VPS13B: variants seen among roughly 807,000 people sequenced by gnomAD.
VPS13B encodes the protein vacuolar protein sorting 13 homolog B, also known as intermembrane lipid transfer protein VPS13B.
VPS13B carries 285 observed loss-of-function variants against 426.4 expected under a neutral mutation model. The ratio of observed to expected loss-of-function variants is 0.67; its 90% confidence interval spans 0.61 to 0.74. The LOEUF is 0.74. Ranked by LOEUF, VPS13B falls within the 30% of genes least tolerant of loss-of-function variation. The pLI is 0.00. For missense variants in VPS13B, 4,537 were observed against 4,782.6 expected (o/e 0.95, Z 1.51); for synonymous variants, 1,676 against 1,676.4 (o/e 1.00, Z 0.01).
At chr8:99,873,464 T>A (rs530889800) in intron 61 of VPS13B, among the ~76,000 whole-genome samples, 4 of 152,148 alleles carry the variant, frequency 2.6e-5, no homozygotes, top group Non-Finnish European at 4.4e-5. Context: ...GAAAGAGGGT[T>A]GGGATTAAGG....
At chr8:99,270,419 G>A (rs549112939) in intron 17 of VPS13B, among the ~76,000 whole-genome samples, 197 of 151,894 alleles carry the variant, frequency 1.3e-3, no homozygotes, top group Admixed American at 2.1e-3. Flanking sequence ...GATTACAGGC[G>A]TGAGCCACCG....
chr8:99,563,548 T>C (rs1825038709), intron 31 of VPS13B, among the ~76,000 whole-genome samples: 1 of 152,172 alleles, frequency 6.6e-6, no homozygotes, highest in East Asian at 1.9e-4. Context: ...GAGAAATGAA[T>C]GATTGAGTCT....
intron 55 of VPS13B, among the ~76,000 whole-genome samples, chr8:99,851,230 T>C (rs1385439381): frequency 3.9e-5 from 6 of 152,234 alleles, no homozygotes; most frequent in African/African-American, 1.4e-4. Context: ...AAGTATTTCT[T>C]GGAATTTCAT....
intron 3 of VPS13B, among the ~76,000 whole-genome samples, chr8:99,044,413 T>TG (rs1290962546): frequency 1.4e-4 from 8 of 57,414 alleles, no homozygotes; most frequent in African/African-American, 6.1e-5. Context: ...TAAGTCAATG[T>TG]TTGTGTGTGT....
chr8:99,030,875 ATAC>A (rs1192155890), intron 2 of VPS13B, among the ~76,000 whole-genome samples: 2 of 152,198 alleles, frequency 1.3e-5, no homozygotes, highest in African/African-American at 4.8e-5. Flanking sequence ...TACTAATTTG[ATAC>A]TAATTTAATA....
chr8:99,354,396 T>C (rs1418730223), intron 19 of VPS13B, among the ~76,000 whole-genome samples: 1 of 150,656 alleles, frequency 6.6e-6, no homozygotes, highest in Admixed American at 6.6e-5. Context: ...ATTTGCTGTT[T>C]CATCAGATTC....
intron 3 of VPS13B, among the ~76,000 whole-genome samples, chr8:99,044,821 T>C (rs938441870): frequency 6.6e-6 from 1 of 151,582 alleles, no homozygotes; most frequent in Non-Finnish European, 1.5e-5. Context: ...ATTAATTCAT[T>C]CTTTTTTATT....
Position 99,507,217 on chromosome 8 carries a change from A to C in VPS13B, c.4224+14A>C. On this transcript the variant is annotated intron_variant, in intron 28 of 61. Coordinates refer to ENST00000357162, the MANE Select transcript of VPS13B (RefSeq NM_152564.5). ...GAAAAATCTGTGGTGAGACCCATTTAGTTACTATGATTTTTGAAAATGTAC... is the reference window on the plus strand; with the variant it reads ...GAAAAATCTGTGGTGAGACCCATTTCGTTACTATGATTTTTGAAAATGTAC... 6.2e-7 allele frequency: 1 copy of C among 1,613,200 alleles called. No homozygotes were observed. The highest frequency in any genetic ancestry group is 8.5e-7 in the Non-Finnish European group (1 of 1,179,306).
At chr8:99,478,064 A>G (rs1362133437) in intron 24 of VPS13B, among the ~76,000 whole-genome samples, 2 of 151,766 alleles carry the variant, frequency 1.3e-5, no homozygotes, top group Non-Finnish European at 2.9e-5. Context: ...CTTGAGCAAC[A>G]TAACAACATG....
chr8:99,698,484 T>C (rs1219064530), intron 35 of VPS13B, among the ~76,000 whole-genome samples: 2 of 152,258 alleles, frequency 1.3e-5, no homozygotes, highest in East Asian at 3.8e-4. Context: ...TCTTGATTTC[T>C]AGATATTGGT....
intron 17 of VPS13B, among the ~76,000 whole-genome samples, chr8:99,213,324 TATA>T (rs954012404): frequency 2.6e-5 from 4 of 152,136 alleles, no homozygotes; most frequent in African/African-American, 9.7e-5. Context: ...TGAAAATAAA[TATA>T]ATAATTAGTT....
At chr8:99,389,904 C>G (rs557261649) in intron 20 of VPS13B, among the ~76,000 whole-genome samples, 1 of 152,044 alleles carries the variant, frequency 6.6e-6, no homozygotes, top group East Asian at 1.9e-4. Context: ...TAGTCCACCC[C>G]CCCTCCTTAT....
At position 99,830,971 on chromosome 8, in the gene VPS13B, A is replaced by G. The variant is rs1216810580; in HGVS notation, c.9331-1398A>G. ...CCCAGTGAGATGAGCCACGTACCTC[A>G]GTTGGAAACGCAGAAACCATCCACC... On this transcript the variant is annotated intron_variant, in intron 51 of 61. Transcript: ENST00000357162. Among the ~76,000 whole-genome samples, 5 of 150,128 alleles carry G rather than the reference A, an allele frequency of 3.3e-5. No individual in the cohort carries two copies. In the East Asian group the frequency reaches 9.9e-4, roughly 30 times the overall value.
In VPS13B at chr8:99,198,363, C is replaced by T. The variant is rs371857700; in HGVS notation, c.2515+5306C>T. 1.4e-4 allele frequency among the ~76,000 whole-genome samples: 22 copies of T among 151,812 alleles called. No homozygotes were observed. In the East Asian group the frequency reaches 3.3e-3, roughly 23 times the overall value. On this transcript the variant is annotated intron_variant, in intron 17 of 61. Transcript: ENST00000357162. The stretch of plus-strand genomic sequence containing the variant: ...ATTAATGTTTTTTTTAAATTTTAAA[C>T]TTTTATTTTTATTAATTGGCTTAGA...
At chr8:99,674,352 T>C (rs1830837677) in intron 35 of VPS13B, among the ~76,000 whole-genome samples, 2 of 152,104 alleles carry the variant, frequency 1.3e-5, no homozygotes, top group Admixed American at 1.3e-4. Flanking sequence ...GCATTATCTC[T>C]TTTTACAGTT....
chr8:99,604,036 A>G (rs1461092010), intron 33 of VPS13B, among the ~76,000 whole-genome samples: 2 of 152,232 alleles, frequency 1.3e-5, no homozygotes, highest in Admixed American at 1.3e-4. Flanking sequence ...TGGAGGCATA[A>G]AAACACAATG....
intron 43 of VPS13B, chr8:99,799,311 G>C (rs1813010325): frequency 1.3e-5 from 2 of 152,138 alleles, no homozygotes; most frequent in Admixed American, 6.6e-5. Flanking sequence ...CATACTTCTG[G>C]AGTCAGGGAC....
intron 19 of VPS13B, among the ~76,000 whole-genome samples, chr8:99,370,733 C>T (rs1381006661): frequency 1.5e-4 from 22 of 151,556 alleles, no homozygotes; most frequent in Admixed American, 1.4e-3. Context: ...CCTCAGCCTC[C>T]CAAGTAGCTG....
intron 35 of VPS13B, among the ~76,000 whole-genome samples, chr8:99,694,090 A>G (rs1831830270): frequency 1.1e-5 from 1 of 87,332 alleles, no homozygotes; most frequent in African/African-American, 4.6e-5. Context: ...ATGGGTAGGA[A>G]GAATCAATAT....
Sources: allele counts gnomAD v4.1 joint callset (sites outside exome capture counted in the v4.1 genomes callset), GRCh38; gene constraint gnomAD v4.1.1; transcripts MANE v1.5; gene names NCBI Gene and HGNC (gene_info 2026-07-23, HGNC 2026-07-21).